TBCEL: variants seen among roughly 807,000 people sequenced by gnomAD.
The protein encoded by TBCEL is tubulin folding cofactor E like.
A neutral mutation model predicts 44.2 loss-of-function variants in TBCEL; 15 were observed. That is an observed-to-expected ratio of 0.34 (90% CI 0.23 to 0.52). The LOEUF is 0.52. Among genes scored for constraint, TBCEL ranks in the 20% least tolerant of loss-of-function variants. The probability of loss-of-function intolerance (pLI) is 0.95; values close to 1 mark genes in which losing one functional copy is unlikely to be tolerated. For synonymous variants in TBCEL, 171 were observed against 185.4 expected, an observed-to-expected ratio of 0.92 and a Z score of 0.63; for missense variants, 319 against 506.3, an observed-to-expected ratio of 0.63 and a Z score of 3.55.
intron 4 of TBCEL, among the ~76,000 whole-genome samples, chr11:121,049,803 G>A (rs2134933395): frequency 6.6e-6 from 1 of 151,846 alleles, no homozygotes; most frequent in African/African-American, 2.4e-5. Flanking sequence ...GAAGATGTGT[G>A]TAATATGGAT....
chr11:121,024,697 G>A (rs1478969781), intron 1 of TBCEL, among the ~76,000 whole-genome samples: 2 of 152,128 alleles, frequency 1.3e-5, no homozygotes, highest in African/African-American at 2.4e-5. Context: ...TGGGACTGCT[G>A]GGGAAATAGG....
At chr11:121,027,425 T>G (rs1425386677) in intron 1 of TBCEL, among the ~76,000 whole-genome samples, 1 of 152,198 alleles carries the variant, frequency 6.6e-6, no homozygotes, top group African/African-American at 2.4e-5. Flanking sequence ...CTATGATTAT[T>G]TCATTTCCCT....
chr11:121,073,785 G>C (rs181775346), intron 8 of TBCEL, among the ~76,000 whole-genome samples: 1 of 151,946 alleles, frequency 6.6e-6, no homozygotes, highest in Admixed American at 6.6e-5. Flanking sequence ...ATTACGAGTA[G>C]ACATTGAATT....
intron 1 of TBCEL, among the ~76,000 whole-genome samples, chr11:121,034,648 C>T (rs1591380050): frequency 6.6e-6 from 1 of 152,050 alleles, no homozygotes; most frequent in East Asian, 1.9e-4. Context: ...TACAAACAAG[C>T]ATTAGGATAT....
Position 121,089,414 on chromosome 11 carries a change from T to A in TBCEL, c.*2318T>A, listed in dbSNP as rs1260172631. ...TCATTTAATTCAGCGGATGTGGGTA[T>A]TTTTAGGGCATTGTAATTGATGGTT... is the stretch of plus-strand genomic sequence containing the variant. On this transcript the variant is annotated 3_prime_UTR_variant, in exon 9 of 9. Coordinates refer to ENST00000683345, the MANE Select transcript of TBCEL (RefSeq NM_001363644.2). The A allele has an allele frequency of 6.6e-6, 1 of 152,176 alleles. No individual in the cohort carries two copies. The highest frequency in any genetic ancestry group is 1.5e-5 in the Non-Finnish European group (1 of 68,026). The allele number at this position is 152,176 out of a possible 1,614,324, so 9.4% of individuals were successfully genotyped here.
chr11:121,082,653 G>C (rs1946146827), intron 8 of TBCEL, among the ~76,000 whole-genome samples: 1 of 152,186 alleles, frequency 6.6e-6, no homozygotes, highest in Non-Finnish European at 1.5e-5. Context: ...GCCACCCTGA[G>C]GTCGTGGAAA....
At chr11:121,079,464 C>G (rs535240219) in intron 8 of TBCEL, among the ~76,000 whole-genome samples, 1 of 152,256 alleles carries the variant, frequency 6.6e-6, no homozygotes, top group African/African-American at 2.4e-5. Flanking sequence ...CAGAATAAAA[C>G]CTGAGTTGTA....
In TBCEL at chr11:121,059,955, G is replaced by C. The variant is rs374353071; in HGVS notation, c.840-14G>C. On this transcript the variant is annotated splice_polypyrimidine_tract_variant and intron_variant, in intron 7 of 8. Transcript: ENST00000683345. ...TATCTTAAAAAATGTCTTTATTTTG[G>C]TTTTAACTTATAGATTGCCATCAGT... The C allele has an allele frequency of 2.2e-4, 353 of 1,582,756 alleles. No homozygotes were observed. Among genetic ancestry groups the C allele is most frequent in the Non-Finnish European group, 3.0e-4 (350 of 1,156,950 alleles).
In TBCEL at chr11:121,088,579, A is replaced by G. The variant is rs936890105; in HGVS notation, c.*1483A>G. ...AAAGTGTGTAAGTGAAGTATTTTTC[A>G]AAGAATGCAGTTATTATCTGATTGC... is the stretch of plus-strand genomic sequence containing the variant. On this transcript the variant is annotated 3_prime_UTR_variant, in exon 9 of 9. Coordinates refer to ENST00000683345, the MANE Select transcript of TBCEL (RefSeq NM_001363644.2). 6.6e-6 allele frequency: 1 copy of G among 152,200 alleles called. No individual in the cohort carries two copies. Among genetic ancestry groups the G allele is most frequent in the East Asian group, 1.9e-4 (1 of 5,206 alleles). 9.4% of individuals were successfully genotyped at this position (152,200 alleles called of 1,614,324 possible).
chr11:121,059,565 A>G (rs536508746), intron 7 of TBCEL, among the ~76,000 whole-genome samples: 1 of 152,126 alleles, frequency 6.6e-6, no homozygotes, highest in East Asian at 1.9e-4. Context: ...TTACATGTCA[A>G]AATGATTATA....
At chr11:121,064,849 A>C (rs4594010) in intron 8 of TBCEL, among the ~76,000 whole-genome samples, 56,194 of 151,680 alleles carry the variant, frequency 0.37, 11,051 homozygotes, top group African/African-American at 0.51. Context: ...TCTTTTGAGG[A>C]GGAGTCTCAC....
At chr11:121,035,561 AGGGT>A (rs1456129810) in intron 1 of TBCEL, 2 of 151,632 alleles carry the variant, frequency 1.3e-5, no homozygotes, top group East Asian at 3.9e-4. Flanking sequence ...GTTATTAGCC[AGGGT>A]GGTTTGTAAA....
chr11:121,080,640 G>C (rs1252416583), intron 8 of TBCEL, among the ~76,000 whole-genome samples: 1 of 152,142 alleles, frequency 6.6e-6, no homozygotes, highest in African/African-American at 2.4e-5. Context: ...AATCAAACCT[G>C]AGAAAAAATT....
intron 2 of TBCEL, among the ~76,000 whole-genome samples, chr11:121,042,166 A>T (rs1022163317): frequency 6.6e-6 from 1 of 152,162 alleles, no homozygotes; most frequent in African/African-American, 2.4e-5. Flanking sequence ...AAACTCAGTG[A>T]CATTATTTTG....
chr11:121,083,819 T>G (rs1946167886), intron 8 of TBCEL, among the ~76,000 whole-genome samples: 1 of 152,258 alleles, frequency 6.6e-6, no homozygotes, highest in Non-Finnish European at 1.5e-5. Flanking sequence ...GAATATCTGC[T>G]TGTTAAATTT....
At chr11:121,036,930 GAAAT>G (rs1483046298) in intron 2 of TBCEL, among the ~76,000 whole-genome samples, 1 of 152,180 alleles carries the variant, frequency 6.6e-6, no homozygotes, top group Non-Finnish European at 1.5e-5. Flanking sequence ...CTAATACAAT[GAAAT>G]AAAGAATTTT....
intron 4 of TBCEL, among the ~76,000 whole-genome samples, chr11:121,050,089 A>G (rs1016017765): frequency 2.0e-5 from 3 of 151,588 alleles, no homozygotes; most frequent in Admixed American, 2.0e-4. Flanking sequence ...CCTTAACTGT[A>G]GTTGATCCCA....
At chr11:121,059,075 G>A (rs759412935) in intron 7 of TBCEL, among the ~76,000 whole-genome samples, 5 of 151,894 alleles carry the variant, frequency 3.3e-5, no homozygotes, top group Non-Finnish European at 7.4e-5. Flanking sequence ...GGGCCATAGA[G>A]CTTTGCTTTT....
At chr11:121,085,108 G>A (rs1239808407) in intron 8 of TBCEL, among the ~76,000 whole-genome samples, 6 of 151,666 alleles carry the variant, frequency 4.0e-5, no homozygotes, top group South Asian at 2.1e-4. Context: ...GCACAATCTC[G>A]GCTCACTGCA....
Sources: allele counts gnomAD v4.1 joint callset (sites outside exome capture counted in the v4.1 genomes callset), GRCh38; gene constraint gnomAD v4.1.1; transcripts MANE v1.5; gene names NCBI Gene and HGNC (gene_info 2026-07-23, HGNC 2026-07-21).